AGPAT4: variants seen among roughly 807,000 people sequenced by gnomAD.
AGPAT4 encodes 1-acylglycerol-3-phosphate O-acyltransferase 4.
In AGPAT4, 15 loss-of-function variants were observed where a neutral mutation model predicts 48.0. The ratio of observed to expected loss-of-function variants is 0.31; its 90% CI spans 0.21 to 0.48. AGPAT4 has a LOEUF of 0.48. AGPAT4 is among the 20% of genes least tolerant of loss of function. The pLI is 0.99. For synonymous variants in AGPAT4, 178 were observed against 198.7 expected, an observed-to-expected ratio of 0.90 and a Z score of 0.88; for missense variants, 314 against 482.5, an observed-to-expected ratio of 0.65 and a Z score of 3.27.
intron 5 of AGPAT4, among the ~76,000 whole-genome samples, chr6:161,152,160 A>G (rs1779609243): frequency 6.6e-6 from 1 of 152,210 alleles, no homozygotes; most frequent in Non-Finnish European, 1.5e-5. Flanking sequence ...CACTGTGTGG[A>G]GTACATGGCA....
At chr6:161,156,479 C>T (rs1176440601) in intron 3 of AGPAT4, among the ~76,000 whole-genome samples, 3 of 152,192 alleles carry the variant, frequency 2.0e-5, no homozygotes, top group African/African-American at 4.8e-5. Flanking sequence ...TAATTTAGAG[C>T]CACTAAAACT....
rs960237095 is a variant in AGPAT4 at position 161,235,646 on chromosome 6, G to A, written c.-89-3344C>T. On this transcript the variant is annotated intron_variant, in intron 1 of 8. Transcript: ENST00000320285. The surrounding 1 kb of genome is among the most constrained non-coding windows in gnomAD (Gnocchi z 6.2). ...CACAGTGGCTTCTGATTCTGGGGAG[G>A]CCTCAGGAAGCTTTTACTCATGGCG... Among the ~76,000 whole-genome samples the A allele has an allele frequency of 2.0e-4, 31 of 152,176 alleles. No individual in the cohort carries two copies. The highest frequency in any genetic ancestry group is 9.2e-4 in the Admixed American group (14 of 15,276).
In AGPAT4 at chr6:161,214,971, G is replaced by T. The variant is rs1781605939; in HGVS notation, c.178+17065C>A. Among the ~76,000 whole-genome samples the T allele has an allele frequency of 1.3e-5, 2 of 152,048 alleles. No homozygotes were observed. Among genetic ancestry groups the T allele is most frequent in the Admixed American group, 6.6e-5 (1 of 15,260 alleles). On this transcript the variant is annotated intron_variant, in intron 2 of 8. Coordinates refer to ENST00000320285, the MANE Select transcript of AGPAT4 (RefSeq NM_020133.3). The surrounding 1 kb of genome is among the most constrained non-coding windows in gnomAD (Gnocchi z 5.4). ...TGCCTTAGATAAGACTGAGACAAAG[G>T]CAACAGGCCCATCTGCAGTTTCAAA...
In AGPAT4 at chr6:161,143,935, C is replaced by T. The variant is rs1020206373; in HGVS notation, c.843+2589G>A. 2.0e-5 allele frequency: 6 copies of T among 298,780 alleles called. No individual in the cohort carries two copies. The highest frequency in any genetic ancestry group is 1.3e-4 in the African/African-American group (6 of 45,042). The allele number at this position is 298,780 out of a possible 1,614,324, so 18.5% of individuals were successfully genotyped here. On this transcript the variant is annotated intron_variant, in intron 7 of 8. Coordinates refer to ENST00000320285, the MANE Select transcript of AGPAT4 (RefSeq NM_020133.3). This position sits in a 1 kb window ranked among gnomAD's most constrained non-coding sequence, Gnocchi z 4.7. Reference sequence around the variant, plus strand: ...AAATTGAAAAGTCAGAGAACTACTGCCCTAAAATCCCAAGGTCAAAATCAA... The same window carrying T: ...AAATTGAAAAGTCAGAGAACTACTGTCCTAAAATCCCAAGGTCAAAATCAA...
In AGPAT4 at chr6:161,143,876, C is replaced by T. The variant is rs1286775592; in HGVS notation, c.843+2648G>A. 3.3e-6 allele frequency: 1 copy of T among 299,558 alleles called. No individual in the cohort carries two copies. The highest frequency in any genetic ancestry group is 6.6e-6 in the Non-Finnish European group (1 of 151,840). 18.6% of individuals were successfully genotyped at this position (299,558 alleles called of 1,614,324 possible). ...CACCTCTGTTGGCTGCCTGCCATTC[C>T]CCTCCCATTTTGCAGAAACTTTACT... On this transcript the variant is annotated intron_variant, in intron 7 of 8. Coordinates refer to ENST00000320285, the MANE Select transcript of AGPAT4 (RefSeq NM_020133.3). This position sits in a 1 kb window ranked among gnomAD's most constrained non-coding sequence, Gnocchi z 4.7.
In AGPAT4 at chr6:161,164,775, C is replaced by A. The variant is rs142189696; in HGVS notation, c.348+1473G>T. ...AGGGGCAAGCAGGGATTGGAAGGCA[C>A]CCCCAAGTTCAATGGGCCTTCTGCT... On this transcript the variant is annotated intron_variant, in intron 3 of 8. Transcript: ENST00000320285. This position sits in a 1 kb window ranked among gnomAD's most constrained non-coding sequence, Gnocchi z 7.4. Among the ~76,000 whole-genome samples, 220 of 152,284 alleles carry A rather than the reference C, an allele frequency of 1.4e-3. 1 individual carries two copies. The highest frequency in any genetic ancestry group is 4.9e-3 in the African/African-American group (205 of 41,556).
rs767173324 is a variant in AGPAT4 at position 161,146,643 on chromosome 6, C to A, written c.768-44G>T. ...GCTAGCAGAGAGGAGGTGATGCCCC[C>A]CTACAACATACAGTTTCCAGTAACG... On this transcript the variant is annotated intron_variant, in intron 6 of 8. Transcript: ENST00000320285. This position sits in a 1 kb window ranked among gnomAD's most constrained non-coding sequence, Gnocchi z 7.1. The A allele has an allele frequency of 5.7e-6, 9 of 1,582,878 alleles. No homozygotes were observed. Among genetic ancestry groups the A allele is most frequent in the Admixed American group, 1.7e-5 (1 of 59,836 alleles).
At chr6:161,257,788 A>G (rs1001215391) in intron 1 of AGPAT4, among the ~76,000 whole-genome samples, 1 of 152,222 alleles carries the variant, frequency 6.6e-6, no homozygotes, top group Non-Finnish European at 1.5e-5. Flanking sequence ...TCTATTTCAT[A>G]TGGAAGTGAA....
In AGPAT4 at chr6:161,169,935, A is replaced by G. The variant is rs1780215205; in HGVS notation, c.179-3518T>C. On this transcript the variant is annotated intron_variant, in intron 2 of 8. Transcript: ENST00000320285. The surrounding 1 kb of genome is among the most constrained non-coding windows in gnomAD (Gnocchi z 5.0). The stretch of plus-strand genomic sequence containing the variant: ...TGCTGATCTGCTGATTCACGTCTTC[A>G]GCACAAAGCAGCGGCTAGGCCTGCT... Among the ~76,000 whole-genome samples, 1 of 152,180 alleles carries G rather than the reference A, an allele frequency of 6.6e-6. No homozygotes were observed. Among genetic ancestry groups the G allele is most frequent in the African/African-American group, 2.4e-5 (1 of 41,450 alleles).
intron 2 of AGPAT4, among the ~76,000 whole-genome samples, chr6:161,230,311 C>T (rs1782090990): frequency 6.6e-6 from 1 of 152,168 alleles, no homozygotes; most frequent in Admixed American, 6.5e-5. Flanking sequence ...GGGGTTATGA[C>T]AGTAGAAACA....
At position 161,137,451 on chromosome 6, in the gene AGPAT4, T is replaced by C. The variant is rs543003186; in HGVS notation, c.1043-817A>G. The stretch of plus-strand genomic sequence containing the variant: ...AGCATTAGCATCGCGGTCGATAAAC[T>C]AACTGGGACATGGATGCAAGAGCCT... On this transcript the variant is annotated intron_variant, in intron 8 of 8. Coordinates refer to ENST00000320285, the MANE Select transcript of AGPAT4 (RefSeq NM_020133.3). This position sits in a 1 kb window ranked among gnomAD's most constrained non-coding sequence, Gnocchi z 6.1. 1.1e-4 allele frequency among the ~76,000 whole-genome samples: 17 copies of C among 152,164 alleles called. No homozygotes were observed. The South Asian group carries it at 2.9e-3, about 26-fold the overall frequency.
chr6:161,268,193 G>T (rs530935758), intron 1 of AGPAT4, among the ~76,000 whole-genome samples: 2 of 152,260 alleles, frequency 1.3e-5, no homozygotes, highest in African/African-American at 4.8e-5. Flanking sequence ...CCATGTACTG[G>T]CACATAGGAG....
At chr6:161,167,484 A>G (rs1023305800) in intron 2 of AGPAT4, among the ~76,000 whole-genome samples, 2 of 152,130 alleles carry the variant, frequency 1.3e-5, no homozygotes, top group Non-Finnish European at 2.9e-5. Flanking sequence ...TCAGCCTCCT[A>G]AAGTGCTGGG....
At chr6:161,194,767 C>A (rs1781027396) in intron 2 of AGPAT4, among the ~76,000 whole-genome samples, 1 of 152,128 alleles carries the variant, frequency 6.6e-6, no homozygotes, top group Admixed American at 6.6e-5. Flanking sequence ...GTGTCCTCGA[C>A]AAGGCTGTTT....
At position 161,197,276 on chromosome 6, in the gene AGPAT4, T is replaced by G. The variant is rs1431455041; in HGVS notation, c.179-30859A>C. On this transcript the variant is annotated intron_variant, in intron 2 of 8. Coordinates refer to ENST00000320285, the MANE Select transcript of AGPAT4 (RefSeq NM_020133.3). The surrounding 1 kb of genome is among the most constrained non-coding windows in gnomAD (Gnocchi z 5.7). ...GGGCCAGGGCACGTAAGCCCTGACCTTGCACTGCTAGGGACATTAAAGAAC... is the reference window on the plus strand; with the variant it reads ...GGGCCAGGGCACGTAAGCCCTGACCGTGCACTGCTAGGGACATTAAAGAAC... 1.3e-5 allele frequency among the ~76,000 whole-genome samples: 2 copies of G among 152,194 alleles called. No homozygotes were observed. The highest frequency in any genetic ancestry group is 2.9e-5 in the Non-Finnish European group (2 of 68,026).
At chr6:161,151,584 T>C (rs1006262577) in intron 5 of AGPAT4, among the ~76,000 whole-genome samples, 4 of 152,222 alleles carry the variant, frequency 2.6e-5, no homozygotes, top group African/African-American at 9.6e-5. Flanking sequence ...CAGCCTTTGA[T>C]TAAATGTTTA....
rs766136778 is a variant in AGPAT4, at chr6:161,144,183, G to T, written c.843+2341C>A. The T allele has an allele frequency of 1.1e-5, 6 of 533,006 alleles. No homozygotes were observed. The Admixed American group carries it at 1.2e-4, about 10-fold the overall frequency. 33.0% of individuals were successfully genotyped at this position (533,006 alleles called of 1,614,324 possible). ...GCACCACTTCCACTTGCTGCTCAGC[G>T]ATCTTCTCGGAAGGGCAAAGGGCCA... is the stretch of plus-strand genomic sequence containing the variant. On this transcript the variant is annotated intron_variant, in intron 7 of 8. Transcript: ENST00000320285. The surrounding 1 kb of genome is among the most constrained non-coding windows in gnomAD (Gnocchi z 6.6).
In AGPAT4 at chr6:161,199,751, C is replaced by T. The variant is rs570078578; in HGVS notation, c.178+32285G>A. ...GCACCTCCCCCTTTACTCTCTCCTC[C>T]GGCCACGTAAAGATGTGTCTGCTTC... On this transcript the variant is annotated intron_variant, in intron 2 of 8. Transcript: ENST00000320285. 1.2e-4 allele frequency among the ~76,000 whole-genome samples: 18 copies of T among 152,256 alleles called. No homozygotes were observed. In the South Asian group the frequency reaches 2.3e-3, roughly 19 times the overall value.
rs150293566 is a variant in AGPAT4 at position 161,266,204 on chromosome 6, T to A, written c.-90+7734A>T. ...CTGCACAGGTTGGCCTCTTCCACAATAAAGGATTAATGGGCCCAAAATCTC... is the reference window on the plus strand; with the variant it reads ...CTGCACAGGTTGGCCTCTTCCACAAAAAAGGATTAATGGGCCCAAAATCTC... On this transcript the variant is annotated intron_variant, in intron 1 of 8. Transcript: ENST00000320285. The surrounding 1 kb of genome is among the most constrained non-coding windows in gnomAD (Gnocchi z 6.2). Among the ~76,000 whole-genome samples the A allele has an allele frequency of 2.8e-3, 420 of 152,230 alleles. 2 individuals carry two copies. Among genetic ancestry groups the A allele is most frequent in the African/African-American group, 9.3e-3 (387 of 41,528 alleles).
Sources: allele counts gnomAD v4.1 joint callset (sites outside exome capture counted in the v4.1 genomes callset), GRCh38; gene constraint gnomAD v4.1.1; non-coding constraint Gnocchi (gnomAD v3.1); transcripts MANE v1.5; gene names NCBI Gene and HGNC (gene_info 2026-07-23, HGNC 2026-07-21).